The following ANKS1B variants were observed in gnomAD, a reference collection of about 807,000 sequenced individuals.
ANKS1B encodes the protein ankyrin repeat and sterile alpha motif domain-containing protein 1B.
Under a neutral mutation model 148.3 loss-of-function variants are expected in ANKS1B, and 36 were observed. The observed-to-expected ratio is 0.24, with a 90% CI of 0.19 to 0.32. ANKS1B has a LOEUF of 0.32. Ranked by LOEUF, ANKS1B falls within the 10% of genes least tolerant of loss-of-function variation. ANKS1B has a pLI of 1.00. For missense variants in ANKS1B, 1,157 were observed against 1,542.6 expected (o/e 0.75, Z 4.19); for synonymous variants, 542 against 560.8 (o/e 0.97, Z 0.47).
At chr12:99,651,165 C>T (rs536076411) in intron 9 of ANKS1B, among the ~76,000 whole-genome samples, 4 of 152,046 alleles carry the variant, frequency 2.6e-5, no homozygotes, top group African/African-American at 9.7e-5. Context: ...TACCAGTAGA[C>T]CCTCACAGCG....
intron 12 of ANKS1B, among the ~76,000 whole-genome samples, chr12:99,262,711 GTTTATT>G (rs2076051705): frequency 6.6e-6 from 1 of 151,616 alleles, no homozygotes; most frequent in Non-Finnish European, 1.5e-5. Context: ...ATTGAGACAT[GTTTATT>G]TTATTTGTCT....
At chr12:98,972,719 C>T (rs1568112987) in intron 17 of ANKS1B, among the ~76,000 whole-genome samples, 1 of 152,158 alleles carries the variant, frequency 6.6e-6, no homozygotes, top group Non-Finnish European at 1.5e-5. Flanking sequence ...AAATGGAAAT[C>T]TGGACTCACC....
intron 1 of ANKS1B, among the ~76,000 whole-genome samples, chr12:99,874,816 T>A (rs969121786): frequency 2.0e-5 from 3 of 152,164 alleles, no homozygotes; most frequent in African/African-American, 7.2e-5. Context: ...TTCAATAAAA[T>A]GGTAAAGATA....
intron 17 of ANKS1B, among the ~76,000 whole-genome samples, chr12:99,039,114 A>G (rs2099957320): frequency 6.6e-6 from 1 of 152,258 alleles, no homozygotes; most frequent in Admixed American, 6.5e-5. Flanking sequence ...TATAAATACT[A>G]CATATACTTC....
chr12:98,754,591 C>G (rs2098185174), intron 25 of ANKS1B, among the ~76,000 whole-genome samples: 1 of 152,214 alleles, frequency 6.6e-6, no homozygotes, highest in South Asian at 2.1e-4. Flanking sequence ...AACATGTGGT[C>G]TTTATCTGCT....
At chr12:99,336,641 C>T (rs530661274) in intron 12 of ANKS1B, among the ~76,000 whole-genome samples, 24 of 152,036 alleles carry the variant, frequency 1.6e-4, no homozygotes, top group South Asian at 4.2e-4. Flanking sequence ...CCCAAATCTA[C>T]GTTCTTAGCA....
rs118043072 is a variant in ANKS1B, at chr12:99,626,661, G to A, written c.1272+28406C>T. Among the ~76,000 whole-genome samples, 1,187 of 152,150 alleles carry A rather than the reference G, an allele frequency of 7.8e-3. 8 individuals carry two copies. Among genetic ancestry groups the A allele is most frequent in the Non-Finnish European group, 0.012 (797 of 68,002 alleles). Reference sequence around the variant, plus strand: ...AATTCTTTACCCACCTTTATAATAGGTCAAGCTGCTAGCCATGAGGAGGCC... The same window carrying A: ...AATTCTTTACCCACCTTTATAATAGATCAAGCTGCTAGCCATGAGGAGGCC... On this transcript the variant is annotated intron_variant, in intron 9 of 26. Transcript: ENST00000683438.
intron 15 of ANKS1B, among the ~76,000 whole-genome samples, chr12:99,133,820 AG>A (rs2066991119): frequency 6.6e-6 from 1 of 152,200 alleles, no homozygotes. Flanking sequence ...GGACAATAAT[AG>A]CAACGATGAT....
chr12:99,097,947 T>A lies in ANKS1B; in HGVS notation c.2527-12924A>T, dbSNP rs529585630. Among the ~76,000 whole-genome samples the A allele has an allele frequency of 2.0e-5, 3 of 152,318 alleles. No homozygotes were observed. The South Asian group carries it at 6.2e-4, about 32-fold the overall frequency. On this transcript the variant is annotated intron_variant, in intron 15 of 26. Transcript: ENST00000683438. ...AAATGTCATTTTCTTCAGATAAGTG[T>A]TCAGTATTGAGAGGTGCACTTACAT... is the stretch of plus-strand genomic sequence containing the variant.
At chr12:99,237,932 C>T (rs1312566006) in intron 14 of ANKS1B, among the ~76,000 whole-genome samples, 1 of 152,168 alleles carries the variant, frequency 6.6e-6, no homozygotes, top group Admixed American at 6.5e-5. Context: ...CACTGGTGTC[C>T]AAGGTGGCTG....
At chr12:99,218,345 G>A (rs551065570) in intron 14 of ANKS1B, among the ~76,000 whole-genome samples, 1 of 152,162 alleles carries the variant, frequency 6.6e-6, no homozygotes, top group South Asian at 2.1e-4. Flanking sequence ...TTCTTTCACA[G>A]TGTTTTATGG....
intron 12 of ANKS1B, among the ~76,000 whole-genome samples, chr12:99,263,933 C>G (rs548307754): frequency 6.6e-6 from 1 of 152,206 alleles, no homozygotes; most frequent in South Asian, 2.1e-4. Flanking sequence ...AATTACATAT[C>G]TGAAAATGAC....
intron 12 of ANKS1B, among the ~76,000 whole-genome samples, chr12:99,299,914 A>C (rs1468078186): frequency 6.6e-6 from 1 of 152,182 alleles, no homozygotes; most frequent in Non-Finnish European, 1.5e-5. Context: ...GAAAGGAACA[A>C]TGAATGATCT....
At chr12:99,155,412 T>G (rs2075909701) in intron 14 of ANKS1B, among the ~76,000 whole-genome samples, 1 of 152,200 alleles carries the variant, frequency 6.6e-6, no homozygotes, top group African/African-American at 2.4e-5. Context: ...TATTTCTTGT[T>G]TGCATGGTTT....
At chr12:98,895,730 C>T (rs2099763565) in intron 17 of ANKS1B, among the ~76,000 whole-genome samples, 1 of 152,136 alleles carries the variant, frequency 6.6e-6, no homozygotes, top group Admixed American at 6.5e-5. Context: ...CCGGTTTCCA[C>T]CAAAGTTACC....
chr12:99,066,388 G>C (rs563318302), intron 16 of ANKS1B, among the ~76,000 whole-genome samples: 139 of 152,268 alleles, frequency 9.1e-4, no homozygotes, highest in Middle Eastern at 6.8e-3. Flanking sequence ...TTCAAGTAGA[G>C]AGAACAACTA....
At chr12:99,235,856 A>G (rs1269755012) in intron 14 of ANKS1B, among the ~76,000 whole-genome samples, 2 of 152,204 alleles carry the variant, frequency 1.3e-5, no homozygotes, top group African/African-American at 4.8e-5. Flanking sequence ...GAAACAAGCA[A>G]GGTACTCCTA....
At chr12:98,850,592 T>C (rs2099518565) in intron 17 of ANKS1B, among the ~76,000 whole-genome samples, 1 of 151,146 alleles carries the variant, frequency 6.6e-6, no homozygotes, top group Non-Finnish European at 1.5e-5. Context: ...CTCAGCCTTC[T>C]GAGTAGCTGG....
At chr12:99,752,393 C>T (rs2061189078) in intron 8 of ANKS1B, among the ~76,000 whole-genome samples, 1 of 151,868 alleles carries the variant, frequency 6.6e-6, no homozygotes, top group African/African-American at 2.4e-5. Flanking sequence ...ACCTGCCAAA[C>T]TCCAAGCTCC....
Sources: allele counts gnomAD v4.1 joint callset (sites outside exome capture counted in the v4.1 genomes callset), GRCh38; gene constraint gnomAD v4.1.1; transcripts MANE v1.5; gene names NCBI Gene and HGNC (gene_info 2026-07-23, HGNC 2026-07-21).